FAP: variants seen among roughly 807,000 people sequenced by gnomAD.
FAP encodes the protein fibroblast activation protein alpha.
In FAP, 110 loss-of-function variants were observed where a neutral mutation model predicts 126.5. The observed-to-expected ratio is 0.87, with a 90% CI of 0.74 to 1.02. The LOEUF is 1.02. Among genes scored for constraint, FAP ranks in the 50% least tolerant of loss-of-function variants. FAP has a pLI of 0.00. For synonymous variants in FAP, 334 were observed against 297.3 expected (o/e 1.12, Z -1.27); for missense variants, 919 against 909.2 (o/e 1.01, Z -0.14).
intron 4 of FAP, among the ~76,000 whole-genome samples, chr2:162,225,107 T>G (rs1204880032): frequency 6.6e-6 from 1 of 152,174 alleles, no homozygotes; most frequent in Non-Finnish European, 1.5e-5. Context: ...AGAGGCATTA[T>G]TATTCCTACT....
chr2:162,221,697 T>A (rs1168618464), intron 6 of FAP: 1 of 456,568 alleles, frequency 2.2e-6, no homozygotes, highest in Non-Finnish European at 4.4e-6. Flanking sequence ...TCTCAAGCCA[T>A]CACAGCTGCC....
intron 2 of FAP, among the ~76,000 whole-genome samples, chr2:162,228,226 A>T (rs889203292): frequency 1.6e-4 from 24 of 152,066 alleles, no homozygotes; most frequent in Non-Finnish European, 3.4e-4. Context: ...CCTTTTCTGA[A>T]TTCCCTGTGT....
intron 1 of FAP, 44 bp downstream of exon 1, chr2:162,243,278 C>G (rs750861359): frequency 1.9e-5 from 27 of 1,446,226 alleles, no homozygotes; most frequent in Non-Finnish European, 2.4e-5. Flanking sequence ...TTCAATCCAG[C>G]CAACCCTAAT....
intron 21 of FAP, among the ~76,000 whole-genome samples, chr2:162,177,255 T>G (rs956905265): frequency 6.6e-6 from 1 of 152,176 alleles, no homozygotes; most frequent in Admixed American, 6.6e-5. Context: ...GCACAGGATT[T>G]TGAAGGAGGG....
intron 14 of FAP, among the ~76,000 whole-genome samples, chr2:162,202,302 T>C (rs1688528656): frequency 6.6e-6 from 1 of 152,252 alleles, no homozygotes; most frequent in Non-Finnish European, 1.5e-5. Context: ...AATAACAGCC[T>C]TAGATTTAAT....
At chr2:162,182,222 G>A (rs1239019517) in intron 21 of FAP, among the ~76,000 whole-genome samples, 1 of 152,038 alleles carries the variant, frequency 6.6e-6, no homozygotes, top group African/African-American at 2.4e-5. Flanking sequence ...AAAATAAAAA[G>A]TTCTACTTTA....
intron 2 of FAP, among the ~76,000 whole-genome samples, chr2:162,237,379 C>T (rs1292039484): frequency 6.6e-6 from 1 of 152,000 alleles, no homozygotes; most frequent in African/African-American, 2.4e-5. Flanking sequence ...AGTCCCCCGA[C>T]CCCCCAACAG....
chr2:162,195,969 C>A (rs1688239383), intron 16 of FAP, among the ~76,000 whole-genome samples: 1 of 152,048 alleles, frequency 6.6e-6, no homozygotes, highest in Admixed American at 6.6e-5. Context: ...TTGTAGAGTT[C>A]TGAGAAGACT....
At chr2:162,221,724 G>T (rs1187385662) in intron 6 of FAP, 1 of 456,620 alleles carries the variant, frequency 2.2e-6, no homozygotes, top group South Asian at 1.5e-5. Context: ...TGTTTTCTGA[G>T]TCACTAAAGG....
intron 14 of FAP, 61 bp from the exon 15 acceptor site, chr2:162,200,680 A>G (rs1688462344): frequency 2.7e-6 from 2 of 747,164 alleles, no homozygotes; most frequent in South Asian, 1.7e-5. Context: ...GATTGTTAGT[A>G]TTAATACTAA....
intron 21 of FAP, chr2:162,175,568 G>A (rs915171479): frequency 6.6e-6 from 1 of 152,140 alleles, no homozygotes; most frequent in Admixed American, 6.5e-5. Context: ...CTCAAAGGAG[G>A]AAAAGTCATT....
chr2:162,242,273 C>T (rs963942864), intron 2 of FAP, among the ~76,000 whole-genome samples: 3 of 152,082 alleles, frequency 2.0e-5, no homozygotes, highest in East Asian at 1.9e-4. Flanking sequence ...CCCATAGTAC[C>T]TTCCAATTTT....
chr2:162,234,069 T>C (rs935903234), intron 2 of FAP, among the ~76,000 whole-genome samples: 1 of 152,204 alleles, frequency 6.6e-6, no homozygotes, highest in Non-Finnish European at 1.5e-5. Context: ...TCTATATATC[T>C]ATCCTTATGC....
At chr2:162,195,468 C>T (rs1453165747) in intron 16 of FAP, among the ~76,000 whole-genome samples, 1 of 151,862 alleles carries the variant, frequency 6.6e-6, no homozygotes, top group African/African-American at 2.4e-5. Flanking sequence ...CTTTACCCCC[C>T]TAGCATTGGA....
Position 162,174,961 on chromosome 2 carries a change from A to C in FAP, c.1875T>G (p.Tyr625Ter), listed in dbSNP as rs1362262913. The change falls in exon 22 of 26, where the codon TAT becomes TAG. Residue 625 changes from tyrosine (Y) to a stop codon, truncating the protein, a stop_gained. Transcript: ENST00000188790. LOFTEE classifies it high-confidence loss of function. ...GGGCCAGTGATGAAACGTATCCTCCATAGGACTGTAGAGACATTGTTATGA... is the reference window on the plus strand; with the variant it reads ...GGGCCAGTGATGAAACGTATCCTCCCTAGGACTGTAGAGACATTGTTATGA... Reference protein sequence around the residue: ...EKRIAIWGWSYGGYVSSLALA... With the variant: ...EKRIAIWGWS 4.4e-6 allele frequency: 7 copies of C among 1,609,010 alleles called. No individual in the cohort carries two copies. Among genetic ancestry groups the C allele is most frequent in the Non-Finnish European group, 6.0e-6 (7 of 1,175,746 alleles).
intron 17 of FAP, among the ~76,000 whole-genome samples, chr2:162,190,965 G>A (rs779022298): frequency 2.4e-4 from 36 of 152,052 alleles, no homozygotes; most frequent in Non-Finnish European, 3.7e-4. Flanking sequence ...CATTAACTTT[G>A]GGTAATCCAT....
intron 12 of FAP, 188 bp downstream of exon 12, chr2:162,209,764 T>G: frequency 1.8e-6 from 1 of 559,404 alleles, no homozygotes; most frequent in Non-Finnish European, 3.2e-6. Context: ...TCAATAGAAT[T>G]CTAAAAAGGA....
intron 20 of FAP, among the ~76,000 whole-genome samples, chr2:162,186,395 A>G (rs1045949051): frequency 6.6e-6 from 1 of 152,120 alleles, no homozygotes; most frequent in East Asian, 1.9e-4. Context: ...GAAAATCAGT[A>G]GAAGGTAGAA....
At position 162,220,408 on chromosome 2, in the gene FAP, C is replaced by A. The variant is rs111933391; in HGVS notation, c.414-483G>T. Among the ~76,000 whole-genome samples, 193 of 152,300 alleles carry A rather than the reference C, an allele frequency of 1.3e-3. 2 individuals carry two copies. Among genetic ancestry groups the A allele is most frequent in the African/African-American group, 4.3e-3 (177 of 41,570 alleles). Reference sequence around the variant, plus strand: ...AAATGGTCACTGAAGTGCCTTCCAGCTCTGAAATTCTATAATTGTGCTGAA... The same window carrying A: ...AAATGGTCACTGAAGTGCCTTCCAGATCTGAAATTCTATAATTGTGCTGAA... On this transcript the variant is annotated intron_variant, in intron 6 of 25. Coordinates refer to ENST00000188790, the MANE Select transcript of FAP (RefSeq NM_004460.5).
Sources: allele counts gnomAD v4.1 joint callset (sites outside exome capture counted in the v4.1 genomes callset), GRCh38; gene constraint gnomAD v4.1.1; transcripts MANE v1.5; gene names NCBI Gene and HGNC (gene_info 2026-07-23, HGNC 2026-07-21).